The following PCDHA2 variants were observed in gnomAD, a reference collection of about 807,000 sequenced individuals.
The protein encoded by PCDHA2 is protocadherin alpha-2.
PCDHA2 carries 58 observed loss-of-function variants against 66.0 expected under a neutral mutation model. The ratio of observed to expected loss-of-function variants is 0.88; its 90% CI spans 0.71 to 1.09. The LOEUF (loss-of-function observed/expected upper bound fraction) is 1.09, where lower values mean the gene tolerates loss of function less well. Among genes scored for constraint, PCDHA2 ranks in the 50% least tolerant of loss-of-function variants. The probability of loss-of-function intolerance (pLI) is 0.00; values close to 1 mark genes in which losing one functional copy is unlikely to be tolerated. For synonymous variants in PCDHA2, 634 were observed against 554.0 expected (o/e 1.14, Z -2.03); for missense variants, 1,267 against 1,242.3 (o/e 1.02, Z -0.30).
chr5:140,816,962 T>C (rs1766034734), intron 1 of PCDHA2: 1 of 152,144 alleles, frequency 6.6e-6, no homozygotes, highest in Non-Finnish European at 1.5e-5. Context: ...GACAGAAACT[T>C]GGACTGCCCA....
At chr5:140,866,680 C>G (rs2049493628) in intron 1 of PCDHA2, 1 of 152,138 alleles carries the variant, frequency 6.6e-6, no homozygotes, top group South Asian at 2.1e-4. Context: ...AGCACTAGGT[C>G]TGTTAGAATA....
intron 1 of PCDHA2, among the ~76,000 whole-genome samples, chr5:140,854,943 T>C (rs1157657888): frequency 6.7e-6 from 1 of 149,922 alleles, no homozygotes; most frequent in East Asian, 1.9e-4. Flanking sequence ...GCAGAAATAA[T>C]AAATTTCTTA....
chr5:140,830,479 T>G (rs2150187102), intron 1 of PCDHA2: 10 of 1,522,278 alleles, frequency 6.6e-6, no homozygotes, highest in Non-Finnish European at 8.8e-6. Flanking sequence ...AAGATCATGA[T>G]GCCAAAGTAA....
chr5:140,809,139 T>C (rs1554125021), intron 1 of PCDHA2: 1 of 1,613,822 alleles, frequency 6.2e-7, no homozygotes, highest in Non-Finnish European at 8.5e-7. Context: ...CTGGTACTGG[T>C]GAAGGACCAC....
intron 1 of PCDHA2, among the ~76,000 whole-genome samples, chr5:140,917,128 C>T (rs2077898518): frequency 6.6e-6 from 1 of 152,044 alleles, no homozygotes; most frequent in Non-Finnish European, 1.5e-5. Flanking sequence ...GCAGACTCCC[C>T]ACGTTGCTCA....
At chr5:140,946,295 C>T (rs543000779) in intron 1 of PCDHA2, among the ~76,000 whole-genome samples, 2 of 151,940 alleles carry the variant, frequency 1.3e-5, no homozygotes, top group South Asian at 4.1e-4. Context: ...TCACCTCACA[C>T]CTGGTAGAAT....
chr5:140,944,984 T>A (rs972607288), intron 1 of PCDHA2, among the ~76,000 whole-genome samples: 6 of 152,184 alleles, frequency 3.9e-5, no homozygotes, highest in Non-Finnish European at 8.8e-5. Context: ...GTGGGTCTAC[T>A]TCTGTAACGG....
chr5:140,876,841 CA>C, intron 1 of PCDHA2: 1 of 1,614,130 alleles, frequency 6.2e-7, no homozygotes, highest in South Asian at 1.1e-5. Flanking sequence ...TGCGTTCGCG[CA>C]GCCCGAGTAC....
At chr5:140,884,732 A>G in intron 1 of PCDHA2, 2 of 1,448,046 alleles carry the variant, frequency 1.4e-6, no homozygotes, top group South Asian at 1.6e-5. Flanking sequence ...TGTTTAAGAC[A>G]TCTTTCCTGC....
chr5:140,829,699 C>A lies in PCDHA2; in HGVS notation c.2388+32347C>A, dbSNP rs2150172721. On this transcript the variant is annotated intron_variant, in intron 1 of 3. Coordinates refer to ENST00000526136, the MANE Select transcript of PCDHA2 (RefSeq NM_018905.3). ...TAGAGCTGCTGCAGTTTCAGGTGAG[C>A]GCGCGCGACGCGGGCGTGCCGCCTC... The A allele has an allele frequency of 2.2e-3, 3,484 of 1,613,252 alleles. 64 individuals carry two copies. The African/African-American group carries it at 0.041, about 19-fold the overall frequency.
rs1160767102 is a variant in PCDHA2, at chr5:140,964,322, A to G, written c.2389-14627A>G. On this transcript the variant is annotated intron_variant, in intron 1 of 3. Coordinates refer to ENST00000526136, the MANE Select transcript of PCDHA2 (RefSeq NM_018905.3). ...TACCTACAAGGCCTAAAACAGCATA[A>G]TGGACAACCTGGCAGGTGTCCTTGC... Among the ~76,000 whole-genome samples the G allele has an allele frequency of 2.0e-5, 3 of 152,346 alleles. No individual in the cohort carries two copies. The East Asian group carries it at 5.8e-4, about 29-fold the overall frequency.
intron 1 of PCDHA2, chr5:140,848,835 C>T: frequency 6.3e-7 from 1 of 1,590,448 alleles, no homozygotes; most frequent in African/African-American, 1.4e-5. Context: ...AGACAGGCCG[C>T]TGCAGGTTTT....
At chr5:140,966,626 C>T in intron 1 of PCDHA2, 9 of 925,184 alleles carry the variant, frequency 9.7e-6, no homozygotes, top group South Asian at 9.6e-5. Flanking sequence ...GAGGGAGCGG[C>T]CCCAGGCGCT....
intron 1 of PCDHA2, chr5:140,870,960 C>A: frequency 6.2e-7 from 1 of 1,613,670 alleles, no homozygotes. Flanking sequence ...GCTCGCGCAT[C>A]CCGTTCCGCG....
chr5:140,963,964 C>T (rs1207514831), intron 1 of PCDHA2, among the ~76,000 whole-genome samples: 1 of 152,182 alleles, frequency 6.6e-6, no homozygotes, highest in Non-Finnish European at 1.5e-5. Flanking sequence ...AGGAGTGTGA[C>T]TGACTCCAAA....
intron 1 of PCDHA2, chr5:140,883,057 G>A (rs781846985): frequency 1.2e-6 from 2 of 1,614,006 alleles, no homozygotes; most frequent in South Asian, 1.1e-5. Flanking sequence ...TAGTGATCAA[G>A]CTAAATGCCA....
chr5:140,877,874 C>A, intron 1 of PCDHA2: 1 of 1,477,456 alleles, frequency 6.8e-7, no homozygotes, highest in Non-Finnish European at 9.0e-7. Flanking sequence ...ATATTTGTTT[C>A]CTTGAAGAAC....
rs782073984 is a variant in PCDHA2, at chr5:140,808,236, T to C, written c.2388+10884T>C. 3 of 1,614,250 alleles carry C rather than the reference T, an allele frequency of 1.9e-6. No homozygotes were observed. The South Asian group carries it at 3.3e-5, about 18-fold the overall frequency. ...GACAACAACGATAATGTCCCAGATTTGGAATTCAAGTCTTTATCACTTCCA... is the reference window on the plus strand; with the variant it reads ...GACAACAACGATAATGTCCCAGATTCGGAATTCAAGTCTTTATCACTTCCA... On this transcript the variant is annotated intron_variant, in intron 1 of 3. Transcript: ENST00000526136.
chr5:140,869,798 T>A (rs782748267), intron 1 of PCDHA2: 2 of 1,612,730 alleles, frequency 1.2e-6, no homozygotes. Flanking sequence ...TTAGTCCAAG[T>A]CTTGGATGTC....
Sources: gnomAD v4.1 joint callset for allele counts (sites outside exome capture counted in the v4.1 genomes callset) on GRCh38, gnomAD v4.1.1 for gene constraint, MANE v1.5 for transcripts, NCBI Gene and HGNC (gene_info 2026-07-23, HGNC 2026-07-21) for gene names.